PCDHA6: variants seen among roughly 807,000 people sequenced by gnomAD.
The protein encoded by PCDHA6 is protocadherin alpha-6.
A neutral mutation model predicts 60.3 loss-of-function variants in PCDHA6; 55 were observed. The observed-to-expected ratio is 0.91, with a 90% CI of 0.73 to 1.14. PCDHA6 has a LOEUF of 1.14. Ranked by LOEUF, PCDHA6 falls within the 50% of genes most tolerant of loss-of-function variation. The pLI, the probability that PCDHA6 is intolerant of heterozygous loss-of-function variation, is 0.00. For missense variants in PCDHA6, 1,327 were observed against 1,256.5 expected (o/e 1.06, Z -0.85); for synonymous variants, 652 against 557.9 (o/e 1.17, Z -2.38).
chr5:140,876,931 A>G lies in PCDHA6; in HGVS notation c.2394+46446A>G, dbSNP rs377563074. The stretch of plus-strand genomic sequence containing the variant: ...GGCATGGGACGCGGACGCGCAGAAG[A>G]ACGCGCTGGTGTCCTACTCGCTGGT... On this transcript the variant is annotated intron_variant, in intron 1 of 3. Coordinates refer to ENST00000529310, the MANE Select transcript of PCDHA6 (RefSeq NM_018909.4). 8 of 1,613,668 alleles carry G rather than the reference A, an allele frequency of 5.0e-6. No individual in the cohort carries two copies. In the African/African-American group the frequency reaches 1.1e-4, roughly 22 times the overall value.
Position 140,947,404 on chromosome 5 carries a change from T to C in PCDHA6, c.2395-31545T>C, listed in dbSNP as rs1305199507. On this transcript the variant is annotated intron_variant, in intron 1 of 3. Transcript: ENST00000529310. ...ATCCTTTCACTAAAAGTAGACTGTC[T>C]TGATATTGTAGCTTTATAAATTTGA... is the stretch of plus-strand genomic sequence containing the variant. Among the ~76,000 whole-genome samples the C allele has an allele frequency of 2.6e-5, 4 of 151,736 alleles. No individual in the cohort carries two copies. In the East Asian group the frequency reaches 5.8e-4, roughly 22 times the overall value.
chr5:140,887,201 A>G (rs1331832646), intron 1 of PCDHA6, among the ~76,000 whole-genome samples: 1 of 150,710 alleles, frequency 6.6e-6, no homozygotes, highest in Non-Finnish European at 1.5e-5. Context: ...GGTTCACGCC[A>G]TTCTCCTGCC....
intron 1 of PCDHA6, among the ~76,000 whole-genome samples, chr5:140,897,009 ATAC>A (rs2065839600): frequency 6.6e-6 from 1 of 152,174 alleles, no homozygotes. Flanking sequence ...ATTTTTAAAT[ATAC>A]AACTAAATTA....
At chr5:140,858,130 C>T in intron 1 of PCDHA6, 1 of 1,597,774 alleles carries the variant, frequency 6.3e-7, no homozygotes, top group Non-Finnish European at 8.6e-7. Flanking sequence ...TGGTGGATGT[C>T]AACGTGTACC....
chr5:140,992,017 C>CTGTGTG (rs10602499), intron 3 of PCDHA6, among the ~76,000 whole-genome samples: 2,290 of 145,594 alleles, frequency 0.016, 56 homozygotes, highest in African/African-American at 0.05. Flanking sequence ...AGAGGTGGCT[C>CTGTGTG]TGTGTGTGTG....
chr5:140,841,805 G>A, intron 1 of PCDHA6: 1 of 1,613,936 alleles, frequency 6.2e-7, no homozygotes, highest in Non-Finnish European at 8.5e-7. Flanking sequence ...CGATGCAGAT[G>A]TTGGAGCTAA....
At chr5:140,834,109 A>G in intron 1 of PCDHA6, 1 of 406,184 alleles carries the variant, frequency 2.5e-6, no homozygotes, top group South Asian at 5.5e-5. Context: ...AAAAATTCAG[A>G]GTTTGAAATA....
intron 1 of PCDHA6, chr5:140,875,365 A>T: frequency 6.9e-7 from 1 of 1,449,394 alleles, no homozygotes; most frequent in Non-Finnish European, 9.1e-7. Context: ...TGCTGGAAAA[A>T]ATTTACTAAA....
rs202126810 is a variant in PCDHA6 at position 140,842,731 on chromosome 5, G to T, written c.2394+12246G>T. ...TGTTCGTGAAGGAGAACAACCCGCC[G>T]GGCTGCCACATCTTCACGGTGTCTG... On this transcript the variant is annotated intron_variant, in intron 1 of 3. Transcript: ENST00000529310. 3.1e-5 allele frequency: 49 copies of T among 1,594,938 alleles called. 4 individuals are homozygous for T. Among genetic ancestry groups the T allele is most frequent in the Non-Finnish European group, 4.1e-5 (48 of 1,165,464 alleles).
At chr5:140,871,659 T>C (rs2153275031) in intron 1 of PCDHA6, 1 of 1,218,398 alleles carries the variant, frequency 8.2e-7, no homozygotes, top group Non-Finnish European at 1.1e-6. Context: ...GATACACATC[T>C]TCAGTCTTTT....
intron 1 of PCDHA6, among the ~76,000 whole-genome samples, chr5:140,844,486 G>T (rs1279388855): frequency 6.7e-6 from 1 of 148,992 alleles, no homozygotes; most frequent in Non-Finnish European, 1.5e-5. Context: ...CTATGTTTAG[G>T]AAATGATTAC....
At chr5:140,927,399 TC>T (rs781939330) in intron 1 of PCDHA6, 1 of 1,614,076 alleles carries the variant, frequency 6.2e-7, no homozygotes. Context: ...GTCAGCACTT[TC>T]GCCTGGACAT....
intron 1 of PCDHA6, among the ~76,000 whole-genome samples, chr5:140,886,777 G>A (rs2061124221): frequency 1.4e-5 from 2 of 140,408 alleles, no homozygotes; most frequent in South Asian, 4.7e-4. Flanking sequence ...AGTGAGATGA[G>A]ATCATGCTAC....
chr5:140,877,411 C>T (rs781874450), intron 1 of PCDHA6: 75 of 1,613,818 alleles, frequency 4.6e-5, no homozygotes, highest in Non-Finnish European at 6.0e-5. Context: ...GCGCCACCGC[C>T]TGCTGGTGCT....
At chr5:140,955,552 C>T (rs1554221978) in intron 1 of PCDHA6, among the ~76,000 whole-genome samples, 2 of 152,092 alleles carry the variant, frequency 1.3e-5, no homozygotes, top group African/African-American at 4.8e-5. Flanking sequence ...TTGAGGCCTC[C>T]CCAGCCATAC....
intron 1 of PCDHA6, among the ~76,000 whole-genome samples, chr5:140,894,197 A>G (rs1378272032): frequency 6.6e-6 from 1 of 152,008 alleles, no homozygotes; most frequent in Admixed American, 6.6e-5. Context: ...TATTTTTTCT[A>G]TGCTATTATA....
rs1554169929 is a variant in PCDHA6 at position 140,877,625 on chromosome 5, A to G, written c.2394+47140A>G. On this transcript the variant is annotated intron_variant, in intron 1 of 3. Coordinates refer to ENST00000529310, the MANE Select transcript of PCDHA6 (RefSeq NM_018909.4). ...CTGCTGGTGCTCACGCTGCTGCTGT[A>G]CACTGCGCTGCGTTGCTCAGCGCCG... 6.2e-7 allele frequency: 1 copy of G among 1,613,774 alleles called. No individual in the cohort carries two copies. Among genetic ancestry groups the G allele is most frequent in the Non-Finnish European group, 8.5e-7 (1 of 1,179,852 alleles).
chr5:140,883,378 C>A, intron 1 of PCDHA6: 1 of 1,614,146 alleles, frequency 6.2e-7, no homozygotes. Context: ...CCATTATTGC[C>A]CTAATCAGTG....
intron 1 of PCDHA6, chr5:140,849,630 G>A: frequency 1.9e-6 from 3 of 1,598,686 alleles, no homozygotes; most frequent in Non-Finnish European, 2.6e-6. Flanking sequence ...CGACCTAGAC[G>A]CAGATGCCAA....
Sources: allele counts gnomAD v4.1 joint callset (sites outside exome capture counted in the v4.1 genomes callset), GRCh38; gene constraint gnomAD v4.1.1; transcripts MANE v1.5; gene names NCBI Gene and HGNC (gene_info 2026-07-23, HGNC 2026-07-21).